OR52H1: variants seen among roughly 807,000 people sequenced by gnomAD.
The protein encoded by OR52H1 is olfactory receptor family 52 subfamily H member 1.
For synonymous variants in OR52H1, 148 were observed against 138.6 expected (o/e 1.07, Z -0.48); for missense variants, 383 against 396.4 (o/e 0.97, Z 0.29).
chr11:5,546,880 G>C (rs189613049), intron 1 of OR52H1, among the ~76,000 whole-genome samples: 177 of 152,212 alleles, frequency 1.2e-3, no homozygotes, highest in Non-Finnish European at 1.7e-3. Context: ...GGGGGAAGGG[G>C]AATATTAGAT....
At chr11:5,547,235 C>T (rs1225071167) in intron 1 of OR52H1, among the ~76,000 whole-genome samples, 4 of 152,158 alleles carry the variant, frequency 2.6e-5, no homozygotes, top group South Asian at 2.1e-4. Flanking sequence ...GGATTACAGG[C>T]GTGAGCCACC....
chr11:5,545,173 G>C lies in OR52H1; in HGVS notation c.333C>G (p.Val111=), dbSNP rs775028019. Residue 111 remains valine (V), a synonymous_variant, in exon 2 of 2, where the codon GTC becomes GTG. Coordinates refer to ENST00000322653, the MANE Select transcript of OR52H1 (RefSeq NM_001005289.5). ...TQMFFLHYNF[V]LDSAILMAMA... is the part of the protein sequence containing the mutation. ...TGGCCATCAGAATGGCTGAATCCAG[G>C]ACAAAGTTATAGTGAAGGAAGAACA... The C allele has an allele frequency of 1.2e-6, 2 of 1,614,156 alleles. No individual in the cohort carries two copies. The highest frequency in any genetic ancestry group is 3.3e-5 in the Admixed American group (2 of 60,010).
rs114930867 is a variant in OR52H1 at position 5,544,695 on chromosome 11, A to G, written c.811T>C (p.Ser271Pro). ...ILAHRFGHNV[S>P]RTFHIMFANL... The stretch of plus-strand genomic sequence containing the variant: ...GCAAACATGATGTGGAAGGTGCGAG[A>G]GACATTGTGTCCAAAGCGATGGGCG... The change falls in exon 2 of 2, where the codon TCT becomes CCT. Residue 271 changes from serine to proline, a missense_variant. Ser to Pro is a moderately conservative substitution (Grantham distance 74, BLOSUM62 -1). Coordinates refer to ENST00000322653, the MANE Select transcript of OR52H1 (RefSeq NM_001005289.5). The G allele has an allele frequency of 1.9e-6, 3 of 1,614,148 alleles. No individual in the cohort carries two copies. In the African/African-American group the frequency reaches 4.0e-5, roughly 22 times the overall value.
At chr11:5,546,181 C>CAAAAAAA (rs34696903) in intron 1 of OR52H1, among the ~76,000 whole-genome samples, 84 of 145,502 alleles carry the variant, frequency 5.8e-4, no homozygotes, top group African/African-American at 2.1e-3. Context: ...CCTTTCTCCT[C>CAAAAAAA]AAAAAAAAAA....
chr11:5,545,000 G>C lies in OR52H1; in HGVS notation c.506C>G (p.Pro169Arg), dbSNP rs754570064. 1.9e-6 allele frequency: 3 copies of C among 1,614,196 alleles called. No homozygotes were observed. The highest frequency in any genetic ancestry group is 1.7e-6 in the Non-Finnish European group (2 of 1,180,020). The change falls in exon 2 of 2, where the codon CCT becomes CGT. Residue 169 changes from proline to arginine, a missense_variant. Transcript: ENST00000322653. ...GGGTATGATGCGTGTCCTGCAGAAA[G>C]GCAGGCATGTCAGCAAGAATACATC... ...LPDVFLLTCL[P>R]FCRTRIIPHT...
intron 1 of OR52H1, among the ~76,000 whole-genome samples, chr11:5,546,688 TCTCAAGTTTTTGTATTTCCATGAA>T (rs1197078448): frequency 6.6e-6 from 1 of 152,212 alleles, no homozygotes; most frequent in Non-Finnish European, 1.5e-5. Flanking sequence ...GGAAAGGTTT[TCTCAAGTTTTTGTATTTCCATGAA>T]CTCAAATACA....
In OR52H1 at chr11:5,544,959, G is replaced by T. The variant is rs376172300; in HGVS notation, c.547C>A (p.His183Asn). 24 of 1,614,044 alleles carry T rather than the reference G, an allele frequency of 1.5e-5. No individual in the cohort carries two copies. The African/African-American group carries it at 3.1e-4, about 21-fold the overall frequency. ...CAGGCGAGCTGGGCAACACCTATAT[G>T]CTCACAGTATGTGTGGGGTATGATG... ...TRIIPHTYCE[H>N]IGVAQLACAD... The change falls in exon 2 of 2, where the codon CAT becomes AAT. Residue 183 changes from histidine (H) to asparagine (N), a missense_variant. Coordinates refer to ENST00000322653, the MANE Select transcript of OR52H1 (RefSeq NM_001005289.5).
chr11:5,545,597 T>C, intron 1 of OR52H1, 62 bp from the exon 2 acceptor site: 1 of 1,417,524 alleles, frequency 7.1e-7, no homozygotes, highest in Non-Finnish European at 9.6e-7. Flanking sequence ...TTCAACTAAT[T>C]ATAATTATTG....
chr11:5,547,711 T>A (rs1468687602), intron 1 of OR52H1, among the ~76,000 whole-genome samples: 1 of 152,126 alleles, frequency 6.6e-6, no homozygotes, highest in Non-Finnish European at 1.5e-5. Flanking sequence ...AGTGGCACAA[T>A]CTTGGCTCAC....
Position 5,545,341 on chromosome 11 carries a change from A to C in OR52H1, c.165T>G (p.His55Gln). Reference protein sequence around the residue: ...CILLYLIVVEHSLHEPMFFFL... With the variant: ...CILLYLIVVEQSLHEPMFFFL... ...AGAAGAACATGGGTTCATGAAGACT[A>C]TGCTCCACCACAATGAGGTAGAGAA... Residue 55 changes from histidine (H) to glutamine (Q), a missense_variant, in exon 2 of 2, where the codon CAT becomes CAG. By Grantham distance (24) the His-to-Gln change is conservative. Transcript: ENST00000322653. The C allele has an allele frequency of 1.2e-6, 2 of 1,614,126 alleles. No individual in the cohort carries two copies. Among genetic ancestry groups the C allele is most frequent in the Middle Eastern group, 1.6e-4 (1 of 6,062 alleles).
chr11:5,547,237 T>G (rs534940323), intron 1 of OR52H1, among the ~76,000 whole-genome samples: 4 of 152,328 alleles, frequency 2.6e-5, no homozygotes, highest in African/African-American at 9.6e-5. Context: ...ATTACAGGCG[T>G]GAGCCACCAC....
Position 5,544,790 on chromosome 11 carries a change from G to A in OR52H1, c.716C>T (p.Ala239Val). Residue 239 changes from alanine (A) to valine (V), a missense_variant, in exon 2 of 2, where the codon GCC (alanine) becomes GTC (valine). Coordinates refer to ENST00000322653, the MANE Select transcript of OR52H1 (RefSeq NM_001005289.5). The stretch of plus-strand genomic sequence containing the variant: ...GACATGAGAACCACAAGTGCCGAGG[G>A]CTTTCTGGCAGGCATCTTGGGAGGG... ...GLPSQDACQK[A>V]LGTCGSHVCV... The A allele has an allele frequency of 6.2e-7, 1 of 1,614,138 alleles. No individual in the cohort carries two copies. The highest frequency in any genetic ancestry group is 8.5e-7 in the Non-Finnish European group (1 of 1,180,016).
rs759516220 is a variant in OR52H1 at position 5,544,851 on chromosome 11, A to C, written c.655T>G (p.Ser219Ala). ...ACAGCACAGAGGATGTGTGCGTAGGAAACAGCAATGAGAATCACATCTGAG... is the reference window on the plus strand; with the variant it reads ...ACAGCACAGAGGATGTGTGCGTAGGCAACAGCAATGAGAATCACATCTGAG... ...VISDVILIAV[S>A]YAHILCAVFG... Residue 219 changes from serine (S) to alanine (A), a missense_variant, in exon 2 of 2, where the codon TCC (serine) becomes GCC (alanine). Coordinates refer to ENST00000322653, the MANE Select transcript of OR52H1 (RefSeq NM_001005289.5). 1.5e-5 allele frequency: 25 copies of C among 1,614,070 alleles called. No individual in the cohort carries two copies. The highest frequency in any genetic ancestry group is 1.8e-5 in the Non-Finnish European group (21 of 1,179,952).
chr11:5,548,277 AGTGGAGCATAT>A (rs1230905242), intron 1 of OR52H1, among the ~76,000 whole-genome samples, 164 bp downstream of exon 1: 2 of 152,144 alleles, frequency 1.3e-5, no homozygotes, highest in African/African-American at 4.8e-5. Flanking sequence ...TGCTTAACTC[AGTGGAGCATAT>A]ACACAAGTAC....
At position 5,545,203 on chromosome 11, in the gene OR52H1, T is replaced by A; in HGVS notation, c.303A>T (p.Thr101=). 6.2e-7 allele frequency: 1 copy of A among 1,614,094 alleles called. No individual in the cohort carries two copies. The highest frequency in any genetic ancestry group is 8.5e-7 in the Non-Finnish European group (1 of 1,180,014). ...AGTTATAGTGAAGGAAGAACATTTG[T>A]GTAAGGCATCCTGGGAATGTGATTT... ...AREITFPGCL[T]QMFFLHYNFV... The change falls in exon 2 of 2, where the codon ACA becomes ACT. Residue 101 remains threonine, a synonymous_variant. Transcript: ENST00000322653.
Position 5,545,398 on chromosome 11 carries a change from G to A in OR52H1, c.108C>T (p.Ile36=). 8 of 1,614,182 alleles carry A rather than the reference G, an allele frequency of 5.0e-6. No homozygotes were observed. Among genetic ancestry groups the A allele is most frequent in the Non-Finnish European group, 6.8e-6 (8 of 1,180,034 alleles). The part of the protein sequence containing the change: ...HVWIGIPFCI[I]YIVAVVGNCI... ...AGTTTCCCACAACAGCTACAATGTA[G>A]ATGATACAGAAGGGAATTCCAATCC... The change falls in exon 2 of 2, where the codon ATC becomes ATT. Residue 36 remains isoleucine (I), a synonymous_variant. Transcript: ENST00000322653.
At chr11:5,547,721 C>G (rs182572654) in intron 1 of OR52H1, among the ~76,000 whole-genome samples, 33 of 152,136 alleles carry the variant, frequency 2.2e-4, no homozygotes, top group African/African-American at 7.7e-4. Flanking sequence ...TCTTGGCTCA[C>G]TGCAACCTCC....
At chr11:5,547,309 A>G (rs1238664419) in intron 1 of OR52H1, among the ~76,000 whole-genome samples, 1 of 152,248 alleles carries the variant, frequency 6.6e-6, no homozygotes, top group African/African-American at 2.4e-5. Flanking sequence ...ATTGAATTCA[A>G]TTAATGAATA....
intron 1 of OR52H1, among the ~76,000 whole-genome samples, 176 bp downstream of exon 1, chr11:5,548,276 C>T (rs1203584627): frequency 1.3e-5 from 2 of 152,088 alleles, no homozygotes; most frequent in African/African-American, 4.8e-5. Context: ...ATGCTTAACT[C>T]AGTGGAGCAT....
Sources: gnomAD v4.1 joint callset for allele counts (sites outside exome capture counted in the v4.1 genomes callset) on GRCh38, gnomAD v4.1.1 for gene constraint, MANE v1.5 for transcripts, NCBI Gene and HGNC (gene_info 2026-07-23, HGNC 2026-07-21) for gene names.